The following CASP10 variants were observed in gnomAD, a reference collection of about 807,000 sequenced individuals.
The protein encoded by CASP10 is caspase-10.
CASP10 carries 41 observed loss-of-function variants against 48.5 expected under a neutral mutation model. The ratio of observed to expected loss-of-function variants is 0.85; its 90% CI spans 0.66 to 1.10. CASP10 has a LOEUF of 1.10. Among genes scored for constraint, CASP10 ranks in the 50% least tolerant of loss-of-function variants. The pLI, the probability that CASP10 is intolerant of heterozygous loss-of-function variation, is 0.00. For missense variants in CASP10, 614 were observed against 614.5 expected, an observed-to-expected ratio of 1.00 and a Z score of 0.01; for synonymous variants, 232 against 238.4, an observed-to-expected ratio of 0.97 and a Z score of 0.25.
chr2:201,208,104 C>T lies in CASP10; in HGVS notation c.843C>T (p.Asn281=). The T allele has an allele frequency of 6.2e-7, 1 of 1,613,616 alleles. No individual in the cohort carries two copies. Among genetic ancestry groups the T allele is most frequent in the Non-Finnish European group, 8.5e-7 (1 of 1,179,610 alleles). ...KRAAVYRMNR[N]HRGLCVIVNN... ...CAGCTGTGTACAGGATGAATCGGAA[C>T]CACAGAGGCCTCTGTGTCATTGTCA... Residue 281 remains asparagine (N), a synonymous_variant, in exon 8 of 10, where the codon AAC becomes AAT. Coordinates refer to ENST00000286186, the MANE Select transcript of CASP10 (RefSeq NM_032977.4).
chr2:201,207,583 C>A (rs997603428), intron 7 of CASP10, among the ~76,000 whole-genome samples: 1 of 151,990 alleles, frequency 6.6e-6, no homozygotes, highest in Non-Finnish European at 1.5e-5. Context: ...ATAGTGAAAC[C>A]CCGTCTCTAC....
At chr2:201,200,372 A>G (rs1944970820) in intron 5 of CASP10, 4 of 1,370,862 alleles carry the variant, frequency 2.9e-6, no homozygotes, top group Middle Eastern at 1.8e-4. Flanking sequence ...TTCTGACTCC[A>G]GTATTCTCTC....
chr2:201,192,718 T>C (rs1944653285), intron 3 of CASP10, among the ~76,000 whole-genome samples: 1 of 152,220 alleles, frequency 6.6e-6, no homozygotes. Context: ...TATCTACTTA[T>C]TCAGTTGTTG....
chr2:201,183,643 C>G (rs1944306966), intron 1 of CASP10, among the ~76,000 whole-genome samples: 1 of 152,110 alleles, frequency 6.6e-6, no homozygotes, highest in Non-Finnish European at 1.5e-5. Context: ...GACCTCAGGG[C>G]TAGTAGCAGG....
downstream of CASP10, among the ~76,000 whole-genome samples, chr2:201,222,718 A>G (rs1411731340): frequency 6.6e-6 from 1 of 152,182 alleles, no homozygotes; most frequent in African/African-American, 2.4e-5. Context: ...AAGGCATTCT[A>G]TTCCACCTAT....
At chr2:201,189,918 G>A (rs545571302) in intron 3 of CASP10, among the ~76,000 whole-genome samples, 58 of 152,126 alleles carry the variant, frequency 3.8e-4, no homozygotes, top group Non-Finnish European at 6.8e-4. Flanking sequence ...AGGATCGCTC[G>A]AGCCCAGAGA....
chr2:201,217,262 A>T (rs1447595435), intron 9 of CASP10, among the ~76,000 whole-genome samples: 2 of 152,074 alleles, frequency 1.3e-5, no homozygotes, highest in Non-Finnish European at 2.9e-5. Flanking sequence ...CTACCTCCTG[A>T]CTGAAAAAAG....
chr2:201,208,458 C>A, intron 8 of CASP10: 1 of 663,314 alleles, frequency 1.5e-6, no homozygotes, highest in Non-Finnish European at 1.9e-6. Context: ...CCAGCTCCAC[C>A]ACTAACTAGG....
In CASP10 at chr2:201,209,354, G is replaced by C. The variant is rs916343393; in HGVS notation, c.1207G>C (p.Gly403Arg). 1 of 1,613,126 alleles carries C rather than the reference G, an allele frequency of 6.2e-7. No individual in the cohort carries two copies. The highest frequency in any genetic ancestry group is 1.1e-5 in the South Asian group (1 of 91,078). ...ACTCTTTTTCATCCAGGCCTGCCAA[G>C]GTGAAGAGATACAGCCTTCCGTATC... is the stretch of plus-strand genomic sequence containing the variant. ...PKLFFIQACQ[G>R]EEIQPSVSIE... is the part of the protein sequence containing the mutation. The change falls in exon 9 of 10, where the codon GGT becomes CGT. Residue 403 changes from glycine (G) to arginine (R), a missense_variant. Gly to Arg is a moderately radical substitution (Grantham distance 125). Coordinates refer to ENST00000286186, the MANE Select transcript of CASP10 (RefSeq NM_032977.4).
At chr2:201,189,726 G>A (rs1447776677) in intron 3 of CASP10, among the ~76,000 whole-genome samples, 1 of 152,174 alleles carries the variant, frequency 6.6e-6, no homozygotes, top group Non-Finnish European at 1.5e-5. Context: ...GGCTGGGCAT[G>A]GTGGCTCATG....
intron 9 of CASP10, among the ~76,000 whole-genome samples, chr2:201,209,972 A>ACAT (rs1945343607): frequency 1.3e-5 from 2 of 152,246 alleles, no homozygotes; most frequent in Non-Finnish European, 2.9e-5. Context: ...TATAGGTGTT[A>ACAT]TGGGAACATG....
chr2:201,194,092 T>TGG (rs1363459724), intron 4 of CASP10, among the ~76,000 whole-genome samples: 5 of 59,932 alleles, frequency 8.3e-5, no homozygotes, highest in African/African-American at 1.7e-4. Context: ...TTTTCTTGTG[T>TGG]GTGTGTGTGT....
At chr2:201,224,975 G>A (rs1325149589), downstream of CASP10, among the ~76,000 whole-genome samples, 1 of 151,888 alleles carries the variant, frequency 6.6e-6, no homozygotes, top group Non-Finnish European at 1.5e-5. Flanking sequence ...CTTTTTCAAT[G>A]AGTGTATCCT....
At chr2:201,228,887 A>C in intron 9 of CASP10, 3 of 1,594,440 alleles carry the variant, frequency 1.9e-6, no homozygotes, top group Admixed American at 1.7e-5. Context: ...TGTGTGAAAA[A>C]CCACTCAGTC....
intron 3 of CASP10, among the ~76,000 whole-genome samples, chr2:201,192,282 T>C (rs1194327724): frequency 1.3e-5 from 2 of 152,130 alleles, no homozygotes; most frequent in African/African-American, 4.8e-5. Context: ...TAATCCCAGC[T>C]ACTCAGGAGG....
chr2:201,185,108 T>A (rs1355494121), intron 1 of CASP10, among the ~76,000 whole-genome samples: 2 of 152,146 alleles, frequency 1.3e-5, no homozygotes, highest in Admixed American at 1.3e-4. Context: ...CCTTCCATCC[T>A]CGGCCTCCTG....
chr2:201,203,728 A>G lies in CASP10; in HGVS notation c.685-2A>G, dbSNP rs966440916. 1.2e-6 allele frequency: 2 copies of G among 1,613,476 alleles called. No individual in the cohort carries two copies. On this transcript the variant is annotated splice_acceptor_variant, in intron 5 of 9. Coordinates refer to ENST00000286186, the MANE Select transcript of CASP10 (RefSeq NM_032977.4). LOFTEE classifies it high-confidence loss of function. ...TTCATGCCCTCCTTTCTTTTTTCTC[A>G]GCAGGAGTCCTGGCAAAATAAGCAT... is the stretch of plus-strand genomic sequence containing the variant.
At chr2:201,207,843 G>A (rs934942366) in intron 7 of CASP10, among the ~76,000 whole-genome samples, 3 of 151,914 alleles carry the variant, frequency 2.0e-5, no homozygotes, top group South Asian at 2.1e-4. Context: ...GTTGCAGTGA[G>A]CCGAGATCGC....
chr2:201,193,909 T>G (rs1944700362), intron 4 of CASP10, among the ~76,000 whole-genome samples: 1 of 152,132 alleles, frequency 6.6e-6, no homozygotes, highest in African/African-American at 2.4e-5. Flanking sequence ...AAAGTGGGCA[T>G]AATAATTGTA....
Sources: allele counts gnomAD v4.1 joint callset (sites outside exome capture counted in the v4.1 genomes callset), GRCh38; gene constraint gnomAD v4.1.1; transcripts MANE v1.5; gene names NCBI Gene and HGNC (gene_info 2026-07-23, HGNC 2026-07-21).